The following MYT1L variants were observed in gnomAD, a reference collection of about 807,000 sequenced individuals.
The protein encoded by MYT1L is myelin transcription factor 1 like, also known as myelin transcription factor 1-like protein.
In MYT1L, 12 loss-of-function variants were observed where a neutral mutation model predicts 126.7. That is an observed-to-expected ratio of 0.09 (90% CI 0.06 to 0.15). MYT1L has a LOEUF of 0.15. Ranked by LOEUF, MYT1L falls within the 10% of genes least tolerant of loss-of-function variation. The pLI is 1.00. For missense variants in MYT1L, 979 were observed against 1,585.2 expected (o/e 0.62, Z 6.49); for synonymous variants, 541 against 604.2 (o/e 0.90, Z 1.53).
chr2:1,860,115 C>T (rs775233367), intron 18 of MYT1L, among the ~76,000 whole-genome samples: 15 of 152,234 alleles, frequency 9.9e-5, no homozygotes, highest in Non-Finnish European at 1.5e-4. Context: ...GAAAGGCGCC[C>T]CAAGTACATC....
At chr2:2,176,795 G>A (rs954006043) in intron 2 of MYT1L, among the ~76,000 whole-genome samples, 1 of 152,078 alleles carries the variant, frequency 6.6e-6, no homozygotes. Flanking sequence ...CACCATGCCT[G>A]GCCTAGAATA....
chr2:2,318,488 G>A (rs1032494929), intron 1 of MYT1L, among the ~76,000 whole-genome samples: 2 of 152,130 alleles, frequency 1.3e-5, no homozygotes, highest in Non-Finnish European at 2.9e-5. Flanking sequence ...TTCTTGGCTG[G>A]CACCATGGAT....
intron 19 of MYT1L, among the ~76,000 whole-genome samples, chr2:1,843,390 G>A (rs540683824): frequency 6.6e-6 from 1 of 152,292 alleles, no homozygotes; most frequent in Admixed American, 6.5e-5. Context: ...GAACCAAGGG[G>A]GGAATTACGG....
intron 1 of MYT1L, among the ~76,000 whole-genome samples, chr2:2,309,737 C>T (rs2095926070): frequency 6.6e-6 from 1 of 151,798 alleles, no homozygotes; most frequent in Non-Finnish European, 1.5e-5. Flanking sequence ...TCTATCTATA[C>T]TCTACATACA....
chr2:2,165,388 C>T (rs1396021132), intron 3 of MYT1L, among the ~76,000 whole-genome samples: 1 of 152,128 alleles, frequency 6.6e-6, no homozygotes, highest in East Asian at 1.9e-4. Context: ...CCACATGCCA[C>T]ACACATTTTC....
chr2:2,178,891 G>A (rs1421524624), intron 2 of MYT1L, among the ~76,000 whole-genome samples: 1 of 152,184 alleles, frequency 6.6e-6, no homozygotes, highest in Non-Finnish European at 1.5e-5. Context: ...AAAGTGAAAA[G>A]TAGTTTAAGG....
chr2:2,103,812 T>C (rs531735193), intron 3 of MYT1L, among the ~76,000 whole-genome samples: 4 of 152,360 alleles, frequency 2.6e-5, no homozygotes, highest in African/African-American at 7.2e-5. Flanking sequence ...GGTGTTGTCA[T>C]GTCAGATTTG....
At chr2:2,031,752 C>T (rs1434613103) in intron 4 of MYT1L, among the ~76,000 whole-genome samples, 6 of 141,498 alleles carry the variant, frequency 4.2e-5, no homozygotes, top group African/African-American at 1.3e-4. Flanking sequence ...AGAGCAGATT[C>T]GAGAAGGAGG....
At chr2:2,176,727 G>A (rs773169217) in intron 2 of MYT1L, among the ~76,000 whole-genome samples, 11 of 152,182 alleles carry the variant, frequency 7.2e-5, no homozygotes, top group Non-Finnish European at 1.5e-4. Context: ...TCAAACTCCT[G>A]ACCTTAAGTG....
chr2:2,279,747 T>C (rs947481636), intron 2 of MYT1L, among the ~76,000 whole-genome samples: 3 of 152,212 alleles, frequency 2.0e-5, no homozygotes, highest in Non-Finnish European at 4.4e-5. Flanking sequence ...GGTATTTCCA[T>C]TTTGCCATTC....
intron 1 of MYT1L, among the ~76,000 whole-genome samples, chr2:2,297,099 C>T (rs1340550151): frequency 6.6e-6 from 1 of 152,176 alleles, no homozygotes; most frequent in Non-Finnish European, 1.5e-5. Flanking sequence ...CTGCAATGTC[C>T]CTGCTTCAAG....
intron 18 of MYT1L, among the ~76,000 whole-genome samples, chr2:1,881,710 G>GCC (rs1376434266): frequency 6.6e-6 from 1 of 152,124 alleles, no homozygotes; most frequent in Non-Finnish European, 1.5e-5. Context: ...CCACCACTGG[G>GCC]CGGGTCTCAG....
chr2:2,292,411 A>G (rs2095613014), intron 1 of MYT1L, among the ~76,000 whole-genome samples: 1 of 152,270 alleles, frequency 6.6e-6, no homozygotes, highest in Admixed American at 6.5e-5. Context: ...TTGGCTATGG[A>G]AAGAACTGTT....
chr2:1,926,093 C>T (rs1317143124), intron 9 of MYT1L, among the ~76,000 whole-genome samples: 2 of 152,198 alleles, frequency 1.3e-5, no homozygotes, highest in African/African-American at 4.8e-5. Flanking sequence ...GTTCCTCCTG[C>T]TCAGTGTCAT....
chr2:2,306,158 G>C (rs913061994), intron 1 of MYT1L: 1 of 152,134 alleles, frequency 6.6e-6, no homozygotes, highest in Non-Finnish European at 1.5e-5. Flanking sequence ...GTTTTGCCCT[G>C]GTGGGACAAA....
intron 3 of MYT1L, among the ~76,000 whole-genome samples, chr2:2,072,524 T>C (rs1306825025): frequency 6.6e-6 from 1 of 152,202 alleles, no homozygotes; most frequent in Non-Finnish European, 1.5e-5. Context: ...TTGGTTGCTA[T>C]AACAAAATAG....
chr2:2,205,174 G>A (rs1364617623), intron 2 of MYT1L, among the ~76,000 whole-genome samples: 17 of 150,488 alleles, frequency 1.1e-4, no homozygotes, highest in Admixed American at 2.6e-4. Context: ...GCTAAATGAC[G>A]AGTTAATGGG....
chr2:1,959,168 G>A (rs1049017779), intron 8 of MYT1L, among the ~76,000 whole-genome samples: 1 of 152,140 alleles, frequency 6.6e-6, no homozygotes, highest in Non-Finnish European at 1.5e-5. Flanking sequence ...AACCTGCCAC[G>A]AGAAGGCTGG....
intron 3 of MYT1L, among the ~76,000 whole-genome samples, chr2:2,147,403 G>A (rs1387308917): frequency 3.9e-5 from 6 of 152,244 alleles, no homozygotes; most frequent in Non-Finnish European, 8.8e-5. Flanking sequence ...CCCCTGGGCA[G>A]AGGCGTTCTG....
Sources: gnomAD v4.1 joint callset for allele counts (sites outside exome capture counted in the v4.1 genomes callset) on GRCh38, gnomAD v4.1.1 for gene constraint, MANE v1.5 for transcripts, NCBI Gene and HGNC (gene_info 2026-07-23, HGNC 2026-07-21) for gene names.